SNTG1: variants seen among roughly 807,000 people sequenced by gnomAD.
SNTG1 encodes the protein gamma-1-syntrophin.
Under a neutral mutation model 74.7 loss-of-function variants are expected in SNTG1, and 39 were observed. The ratio of observed to expected loss-of-function variants is 0.52; its 90% CI spans 0.40 to 0.68. SNTG1 has a LOEUF of 0.68. SNTG1 is among the 30% of genes least tolerant of loss of function. SNTG1 has a pLI of 0.00. For missense variants in SNTG1, 685 were observed against 609.5 expected, an observed-to-expected ratio of 1.12 and a Z score of -1.30; for synonymous variants, 254 against 217.1, an observed-to-expected ratio of 1.17 and a Z score of -1.49.
chr8:50,086,801 A>G (rs1251761703), intron 1 of SNTG1, among the ~76,000 whole-genome samples: 2 of 152,176 alleles, frequency 1.3e-5, no homozygotes, highest in Non-Finnish European at 2.9e-5. Context: ...CTTATTTTAA[A>G]AAGATTATAA....
At chr8:50,580,205 C>T (rs1352194912) in intron 12 of SNTG1, among the ~76,000 whole-genome samples, 1 of 152,282 alleles carries the variant, frequency 6.6e-6, no homozygotes, top group African/African-American at 2.4e-5. Context: ...GGCCTTTAGC[C>T]CCTTTGTTTT....
chr8:50,701,220 G>A (rs989054686), intron 15 of SNTG1, among the ~76,000 whole-genome samples: 50 of 152,204 alleles, frequency 3.3e-4, no homozygotes, highest in African/African-American at 1.1e-3. Flanking sequence ...ATAGATTTTT[G>A]CCAATTTATC....
intron 12 of SNTG1, among the ~76,000 whole-genome samples, chr8:50,570,236 A>G: frequency 1.8e-5 from 1 of 55,856 alleles, no homozygotes; most frequent in Non-Finnish European, 4.9e-5. Flanking sequence ...TTTTTATTTT[A>G]TTTTATTTTA....
intron 2 of SNTG1, among the ~76,000 whole-genome samples, chr8:50,212,693 C>A (rs937745761): frequency 6.6e-6 from 1 of 152,152 alleles, no homozygotes; most frequent in Admixed American, 6.6e-5. Context: ...GTCTACTCAC[C>A]AAAGCCATGT....
chr8:50,745,916 T>C (rs2095554105), intron 17 of SNTG1, among the ~76,000 whole-genome samples: 1 of 151,876 alleles, frequency 6.6e-6, no homozygotes, highest in Admixed American at 6.6e-5. Context: ...AGTTCCTGTT[T>C]AGGATGAAAA....
chr8:50,447,792 C>T (rs1161611127), intron 5 of SNTG1, among the ~76,000 whole-genome samples: 1 of 152,144 alleles, frequency 6.6e-6, no homozygotes, highest in Non-Finnish European at 1.5e-5. Context: ...ACACTGATAA[C>T]TGTAATGGGA....
chr8:50,205,331 C>T (rs552216313), intron 2 of SNTG1, among the ~76,000 whole-genome samples: 54 of 152,274 alleles, frequency 3.5e-4, no homozygotes, highest in Non-Finnish European at 2.9e-4. Context: ...TGATGATGAA[C>T]ATTTTTTCAT....
At chr8:50,675,443 T>C (rs2095305537) in intron 15 of SNTG1, among the ~76,000 whole-genome samples, 2 of 152,216 alleles carry the variant, frequency 1.3e-5, no homozygotes, top group South Asian at 4.1e-4. Context: ...TAAATCTTTG[T>C]TGGTTTAAAG....
At chr8:50,484,213 C>CT (rs1563454080) in intron 8 of SNTG1, among the ~76,000 whole-genome samples, 4 of 109,052 alleles carry the variant, frequency 3.7e-5, no homozygotes, top group East Asian at 2.6e-4. Flanking sequence ...TCCTTCCTTC[C>CT]TTCTTTCTTT....
intron 4 of SNTG1, among the ~76,000 whole-genome samples, chr8:50,409,107 ATAG>A (rs1347244558): frequency 4.6e-5 from 7 of 152,162 alleles, no homozygotes; most frequent in Non-Finnish European, 8.8e-5. Flanking sequence ...CTGGGAGTTT[ATAG>A]TAGAAGTCAA....
Position 50,060,730 on chromosome 8 carries a change from C to T in SNTG1, c.-102-111831C>T, listed in dbSNP as rs554502872. On this transcript the variant is annotated intron_variant, in intron 1 of 18. Coordinates refer to ENST00000642720, the MANE Select transcript of SNTG1 (RefSeq NM_018967.5). Reference sequence around the variant, plus strand: ...TATTTCTCTAGTTGAGGTATTTTTCCATTATTTTCGGCTTGCCTGGAGTCT... The same window carrying T: ...TATTTCTCTAGTTGAGGTATTTTTCTATTATTTTCGGCTTGCCTGGAGTCT... Among the ~76,000 whole-genome samples the T allele has an allele frequency of 3.9e-5, 6 of 152,126 alleles. No individual in the cohort carries two copies. The East Asian group carries it at 1.2e-3, about 29-fold the overall frequency.
At chr8:50,410,786 A>C (rs1342123138) in intron 4 of SNTG1, among the ~76,000 whole-genome samples, 1 of 152,058 alleles carries the variant, frequency 6.6e-6, no homozygotes, top group Non-Finnish European at 1.5e-5. Context: ...TGCCTGACTT[A>C]TTTCACTAAG....
At chr8:50,186,203 G>A (rs574351976) in intron 2 of SNTG1, among the ~76,000 whole-genome samples, 1 of 152,162 alleles carries the variant, frequency 6.6e-6, no homozygotes, top group South Asian at 2.1e-4. Context: ...TGGCTGCATA[G>A]TATTCCATGG....
chr8:50,640,174 G>A (rs1236352685), intron 13 of SNTG1, among the ~76,000 whole-genome samples: 4 of 152,156 alleles, frequency 2.6e-5, no homozygotes, highest in African/African-American at 4.8e-5. Flanking sequence ...ACGGAAGTAT[G>A]ACTTCCTTTA....
intron 8 of SNTG1, among the ~76,000 whole-genome samples, chr8:50,454,605 G>A (rs2093486518): frequency 6.6e-6 from 1 of 152,064 alleles, no homozygotes; most frequent in Non-Finnish European, 1.5e-5. Context: ...ACTTTGGGAG[G>A]CCCAGGAGGG....
At chr8:50,785,602 A>T (rs2131849771) in intron 18 of SNTG1, among the ~76,000 whole-genome samples, 1 of 152,244 alleles carries the variant, frequency 6.6e-6, no homozygotes, top group Non-Finnish European at 1.5e-5. Flanking sequence ...ATGAAAAAAC[A>T]ATTATTACCA....
intron 1 of SNTG1, among the ~76,000 whole-genome samples, chr8:50,155,067 G>T (rs1329362608): frequency 1.3e-5 from 2 of 152,130 alleles, no homozygotes; most frequent in Non-Finnish European, 2.9e-5. Context: ...TTTTAAAATA[G>T]CTTGTGAAAG....
chr8:50,101,665 G>A lies in SNTG1; in HGVS notation c.-102-70896G>A, dbSNP rs559536169. Among the ~76,000 whole-genome samples, 805 of 151,798 alleles carry A rather than the reference G, an allele frequency of 5.3e-3. 10 individuals are homozygous for A. The highest frequency in any genetic ancestry group is 0.018 in the African/African-American group (756 of 41,360). On this transcript the variant is annotated intron_variant, in intron 1 of 18. Transcript: ENST00000642720. The stretch of plus-strand genomic sequence containing the variant: ...GCTGGTGTGCTGCACACATTAACTC[G>A]TCATTTAGCATTAGGTATATCTCCT...
intron 8 of SNTG1, among the ~76,000 whole-genome samples, chr8:50,477,417 A>T (rs1398431852): frequency 1.3e-5 from 2 of 152,194 alleles, no homozygotes; most frequent in African/African-American, 4.8e-5. Flanking sequence ...TGAGAAAAAA[A>T]ATCAGAAAAA....
Sources: allele counts gnomAD v4.1 joint callset (sites outside exome capture counted in the v4.1 genomes callset), GRCh38; gene constraint gnomAD v4.1.1; transcripts MANE v1.5; gene names NCBI Gene and HGNC (gene_info 2026-07-23, HGNC 2026-07-21).